Variants in MIDEAS observed in about 807,000 individuals in gnomAD.
MIDEAS encodes mitotic deacetylase-associated SANT domain protein.
Under a neutral mutation model 102.7 loss-of-function variants are expected in MIDEAS, and 26 were observed. The observed-to-expected ratio is 0.25, with a 90% confidence interval of 0.19 to 0.35. MIDEAS has a LOEUF of 0.35. Among genes scored for constraint, MIDEAS ranks in the 10% least tolerant of loss-of-function variants. The probability of loss-of-function intolerance (pLI) is 1.00; values close to 1 mark genes in which losing one functional copy is unlikely to be tolerated. For synonymous variants in MIDEAS, 585 were observed against 591.0 expected, an observed-to-expected ratio of 0.99 and a Z score of 0.15; for missense variants, 1,231 against 1,435.6, an observed-to-expected ratio of 0.86 and a Z score of 2.30.
At position 73,737,290 on chromosome 14, in the gene MIDEAS, C is replaced by A. The variant is rs2053215046; in HGVS notation, c.1457G>T (p.Ser486Ile). 6.2e-7 allele frequency: 1 copy of A among 1,608,162 alleles called. No homozygotes were observed. Among genetic ancestry groups the A allele is most frequent in the African/African-American group, 1.3e-5 (1 of 74,780 alleles). ...ACTTTTCCGCTTCTCTTCAGAACCA[C>A]TGCCATCCTGGACAAGATGGGAACA... The part of the protein sequence containing the change: ...LASLQNAKDG[S>I]GSEEKRKSVL... The change falls in exon 3 of 13, where the codon AGT (serine) becomes ATT (isoleucine). Residue 486 changes from serine (S) to isoleucine (I), a missense_variant. Transcript: ENST00000423556.
At chr14:73,728,737 G>A (rs940275420) in intron 4 of MIDEAS, 1 of 152,366 alleles carries the variant, frequency 6.6e-6, no homozygotes, top group East Asian at 1.9e-4. Context: ...CCCAGTACAA[G>A]GCCTTACGCC....
chr14:73,745,474 T>C (rs376897329), intron 1 of MIDEAS, among the ~76,000 whole-genome samples: 1 of 152,202 alleles, frequency 6.6e-6, no homozygotes, highest in East Asian at 1.9e-4. Flanking sequence ...CTGGCCAGGA[T>C]GCCAGGGAGC....
chr14:73,773,756 C>T (rs1287179175), intron 1 of MIDEAS, among the ~76,000 whole-genome samples: 1 of 151,940 alleles, frequency 6.6e-6, no homozygotes, highest in African/African-American at 2.4e-5. Context: ...GGCGCAATGG[C>T]TCACGCCTGT....
At chr14:73,719,090 T>G (rs981710806) in intron 12 of MIDEAS, 82 bp from the exon 13 acceptor site, 28 of 1,448,304 alleles carry the variant, frequency 1.9e-5, no homozygotes, top group Non-Finnish European at 2.3e-5. Context: ...GCCCCAGCCT[T>G]CACCTTCACC....
chr14:73,738,823 C>T lies in MIDEAS; in HGVS notation c.1186G>A (p.Glu396Lys). Residue 396 changes from glutamate to lysine, a missense_variant, in exon 2 of 13, where the codon GAA (glutamate) becomes AAA (lysine). Glu to Lys is a moderately conservative substitution (Grantham distance 56). Around this residue, in one of 5 missense-constraint regions of MIDEAS, gnomAD observed 758 missense variants for 856.0 expected, o/e 0.89. Coordinates refer to ENST00000423556, the MANE Select transcript of MIDEAS (RefSeq NM_001367710.1). Reference sequence around the variant, plus strand: ...AGCTCCAGCGGGAATCCCAGAGCTTCAGGATGGGGCTGCCCCAGGGAGCCA... The same window carrying T: ...AGCTCCAGCGGGAATCCCAGAGCTTTAGGATGGGGCTGCCCCAGGGAGCCA... ...PPGSLGQPHP[E>K]ALGFPLELRE... is the part of the protein sequence containing the mutation. The T allele has an allele frequency of 6.4e-7, 1 of 1,571,766 alleles. No individual in the cohort carries two copies. Among genetic ancestry groups the T allele is most frequent in the Non-Finnish European group, 8.6e-7 (1 of 1,158,148 alleles).
At chr14:73,722,664 G>A (rs765531036) in intron 10 of MIDEAS, 34 bp downstream of exon 10, 1 of 1,609,126 alleles carries the variant, frequency 6.2e-7, no homozygotes, top group African/African-American at 1.3e-5. Flanking sequence ...ACCCAGCCCA[G>A]GCTCTATGCA....
At chr14:73,787,421 C>G (rs1405541674), upstream of MIDEAS, 1 of 152,176 alleles carries the variant, frequency 6.6e-6, no homozygotes, top group East Asian at 1.9e-4. Context: ...CACCCCCCGC[C>G]CTGGGAGGGA....
chr14:73,741,770 G>T (rs1566594752), intron 1 of MIDEAS, among the ~76,000 whole-genome samples: 1 of 152,160 alleles, frequency 6.6e-6, no homozygotes, highest in Non-Finnish European at 1.5e-5. Context: ...CCCAGAAGGG[G>T]AGTAATTTCC....
intron 11 of MIDEAS, among the ~76,000 whole-genome samples, chr14:73,720,698 A>T (rs191265212): frequency 1.3e-5 from 2 of 152,344 alleles, no homozygotes; most frequent in Admixed American, 6.5e-5. Context: ...TATGGTGGAC[A>T]GAGCACTGCA....
intron 11 of MIDEAS, among the ~76,000 whole-genome samples, chr14:73,720,154 G>C (rs1304803060): frequency 6.6e-6 from 1 of 152,072 alleles, no homozygotes; most frequent in African/African-American, 2.4e-5. Flanking sequence ...TGGTGCAGGT[G>C]GTCGAGGCTC....
intron 1 of MIDEAS, among the ~76,000 whole-genome samples, chr14:73,782,358 T>G (rs558391753): frequency 5.9e-5 from 9 of 152,130 alleles, no homozygotes; most frequent in African/African-American, 1.9e-4. Context: ...CTCCTCACAG[T>G]CTATATATAT....
At chr14:73,786,549 G>A (rs988101407) in intron 1 of MIDEAS, among the ~76,000 whole-genome samples, 1 of 152,220 alleles carries the variant, frequency 6.6e-6, no homozygotes, top group Non-Finnish European at 1.5e-5. Context: ...TTTCAAGGGG[G>A]CTTGGGGACA....
chr14:73,789,030 G>A (rs1164344931), upstream of MIDEAS: 1 of 152,150 alleles, frequency 6.6e-6, no homozygotes, highest in Non-Finnish European at 1.5e-5. Flanking sequence ...ATGTAAGGTG[G>A]CAGTTGCTGG....
At chr14:73,720,214 C>A (rs978767137) in intron 11 of MIDEAS, among the ~76,000 whole-genome samples, 1 of 149,386 alleles carries the variant, frequency 6.7e-6, no homozygotes, top group Non-Finnish European at 1.5e-5. Context: ...GCTCTGTAAG[C>A]ATGAGTGTAC....
chr14:73,747,733 T>G (rs992513497), intron 1 of MIDEAS, among the ~76,000 whole-genome samples: 2 of 151,796 alleles, frequency 1.3e-5, no homozygotes, highest in African/African-American at 4.9e-5. Context: ...GAATCTAGGA[T>G]GCTTCACAAG....
chr14:73,722,947 A>G, intron 9 of MIDEAS, 100 bp from the exon 10 acceptor site: 1 of 1,435,656 alleles, frequency 7.0e-7, no homozygotes, highest in Non-Finnish European at 9.5e-7. Flanking sequence ...CCTTAACTTC[A>G]AGCCAAAATG....
At position 73,738,967 on chromosome 14, in the gene MIDEAS, G is replaced by A. The variant is rs2053241715; in HGVS notation, c.1042C>T (p.Arg348Cys). The A allele has an allele frequency of 2.6e-6, 4 of 1,531,816 alleles. No homozygotes were observed. The highest frequency in any genetic ancestry group is 1.4e-5 in the African/African-American group (1 of 72,264). 94.9% of individuals were successfully genotyped at this position (1,531,816 alleles called of 1,614,324 possible). A position where few individuals can be genotyped will look rare whatever the true frequency, so the allele number is the denominator to read the frequency against. ...GGCAGGATACCCTCCTTAGAGAGGC[G>A]GCGGGAGCGGCGGGGGAAGGGGATC... ...VQIPFPRRSR[R>C]LSKEGILPPS... Residue 348 changes from arginine to cysteine, a missense_variant, in exon 2 of 13, where the codon CGC (arginine) becomes TGC (cysteine). Around this residue, in one of 5 missense-constraint regions of MIDEAS, gnomAD observed 758 missense variants for 856.0 expected, o/e 0.89. Transcript: ENST00000423556.
Position 73,756,295 on chromosome 14 carries a change from T to TGTGTGTGCGCGC in MIDEAS, c.-248+3467_-248+3468insGCGCGCACACAC, listed in dbSNP as rs55692592. Among the ~76,000 whole-genome samples the TGTGTGTGCGCGC allele has an allele frequency of 3.0e-3, 388 of 127,708 alleles. 1 individual carries two copies. Among genetic ancestry groups the TGTGTGTGCGCGC allele is most frequent in the Middle Eastern group, 0.019 (4 of 214 alleles). The allele number at this position is 127,708 out of a possible 152,430, so 83.8% of individuals were successfully genotyped here. On this transcript the variant is annotated intron_variant, in intron 1 of 12. Transcript: ENST00000423556. ...GTGTGTGTGTGTGTGTGTGTGTGTG[T>TGTGTGTGCGCGC]GCGCGCGCGCGTGCGCGCTGAGGTG...
At chr14:73,734,581 G>A (rs1025057952) in intron 3 of MIDEAS, among the ~76,000 whole-genome samples, 4 of 151,746 alleles carry the variant, frequency 2.6e-5, no homozygotes, top group African/African-American at 9.7e-5. Flanking sequence ...CTAATCTTTT[G>A]TTGTTGTTGT....
Sources: allele counts gnomAD v4.1 joint callset (sites outside exome capture counted in the v4.1 genomes callset), GRCh38; gene constraint gnomAD v4.1.1; regional missense constraint gnomAD v4.1.1; transcripts MANE v1.5; gene names NCBI Gene and HGNC (gene_info 2026-07-23, HGNC 2026-07-21).